ALPL: variants seen among roughly 807,000 people sequenced by gnomAD.
ALPL encodes the protein alkaline phosphatase, biomineralization associated.
In ALPL, 42 loss-of-function variants were observed where a neutral mutation model predicts 51.3. That is an observed-to-expected ratio of 0.82 (90% CI 0.64 to 1.06). The LOEUF (loss-of-function observed/expected upper bound fraction) is 1.06, where lower values mean the gene tolerates loss of function less well. Among genes scored for constraint, ALPL ranks in the 50% least tolerant of loss-of-function variants. The probability of loss-of-function intolerance (pLI) is 0.00; values close to 1 mark genes in which losing one functional copy is unlikely to be tolerated. For synonymous variants in ALPL, 279 were observed against 296.4 expected (o/e 0.94, Z 0.60); for missense variants, 589 against 709.4 (o/e 0.83, Z 1.93).
rs755976886 is a variant in ALPL, at chr1:21,577,604, C to T, written c.1531C>T (p.Leu511=). The part of the protein sequence containing the change: ...SSAGSLAAGP[L]LLALALYPLS... ...GGCAGGCAGCCTTGCTGCAGGCCCC[C>T]TGCTGCTCGCGCTGGCCCTCTACCC... Residue 511 remains leucine, a synonymous_variant, in exon 12 of 12, where the codon CTG becomes TTG. Coordinates refer to ENST00000374840, the MANE Select transcript of ALPL (RefSeq NM_000478.6). 6.2e-7 allele frequency: 1 copy of T among 1,600,596 alleles called. No individual in the cohort carries two copies. The highest frequency in any genetic ancestry group is 1.1e-5 in the South Asian group (1 of 90,972).
intron 1 of ALPL, among the ~76,000 whole-genome samples, chr1:21,522,764 G>A (rs1182971829): frequency 1.3e-5 from 2 of 152,178 alleles, no homozygotes; most frequent in Non-Finnish European, 2.9e-5. Context: ...GCAGAAGCTG[G>A]CAGGAGGGAG....
chr1:21,569,387 C>T (rs527516333), intron 7 of ALPL, among the ~76,000 whole-genome samples: 274 of 152,324 alleles, frequency 1.8e-3, no homozygotes, highest in Middle Eastern at 3.4e-3. Context: ...TATCAGGTCC[C>T]GTGTAGGCCC....
chr1:21,530,504 A>C (rs2148087179), intron 1 of ALPL, among the ~76,000 whole-genome samples: 1 of 152,266 alleles, frequency 6.6e-6, no homozygotes, highest in Non-Finnish European at 1.5e-5. Context: ...CATTGCCAGG[A>C]CGGGAATCCC....
In ALPL at chr1:21,564,060, G is replaced by A. The variant is rs750079676; in HGVS notation, c.492G>A (p.Val164=). 32 of 1,613,800 alleles carry A rather than the reference G, an allele frequency of 2.0e-5. No homozygotes were observed. Among genetic ancestry groups the A allele is most frequent in the Non-Finnish European group, 1.3e-5 (15 of 1,180,000 alleles). The change falls in exon 6 of 12, where the codon GTG becomes GTA. Residue 164 remains valine, a synonymous_variant. Coordinates refer to ENST00000374840, the MANE Select transcript of ALPL (RefSeq NM_000478.6). The surrounding 1 kb of genome is among the most constrained non-coding windows in gnomAD (Gnocchi z 5.8). The part of the protein sequence containing the change: ...AKDAGKSVGI[V]TTTRVNHATP... ...CCCCAGGGAAATCTGTGGGCATTGT[G>A]ACCACCACGAGAGTGAACCATGCCA...
At chr1:21,560,589 C>G in intron 2 of ALPL, 37 bp from the exon 3 acceptor site, 1 of 1,612,836 alleles carries the variant, frequency 6.2e-7, no homozygotes, top group Non-Finnish European at 8.5e-7. Flanking sequence ...GGAGGCTATC[C>G]TTACCCCGCC....
rs1644366657 is a variant in ALPL at position 21,554,086 on chromosome 1, T to A, written c.5T>A (p.Ile2Asn). The A allele has an allele frequency of 1.9e-6, 3 of 1,595,662 alleles. No individual in the cohort carries two copies. The South Asian group carries it at 3.3e-5, about 18-fold the overall frequency. ...AAGCAGGTCTTGGGGTGCACCATGA[T>A]TTCACCATTCTTAGTACTGGCCATT... M[I>N]SPFLVLAIGT... Residue 2 changes from isoleucine (I) to asparagine (N), a missense_variant, in exon 2 of 12, where the codon ATT (isoleucine) becomes AAT (asparagine). Physicochemically the swap from Ile to Asn is moderately radical, Grantham distance 149. Coordinates refer to ENST00000374840, the MANE Select transcript of ALPL (RefSeq NM_000478.6).
chr1:21,571,604 G>A (rs575958663), intron 8 of ALPL, among the ~76,000 whole-genome samples: 15 of 151,952 alleles, frequency 9.9e-5, no homozygotes, highest in Middle Eastern at 3.4e-3. Context: ...CCCGGGAGGC[G>A]GAGGTTACAG....
chr1:21,571,487 G>A (rs1188440857), intron 8 of ALPL, among the ~76,000 whole-genome samples: 30 of 151,480 alleles, frequency 2.0e-4, no homozygotes, highest in African/African-American at 1.9e-4. Flanking sequence ...CCTGGCTAAC[G>A]AGGTGAAACC....
chr1:21,576,615 G>A lies in ALPL; in HGVS notation c.1283G>A (p.Arg428Gln), dbSNP rs1644741201. ...GPGYKVVGGE[R>Q]ENVSMVDYAH... ...GGCTACAAGGTGGTGGGCGGTGAAC[G>A]AGAGAATGTCTCCATGGTGGACTAT... Residue 428 changes from arginine to glutamine, a missense_variant, in exon 11 of 12, where the codon CGA becomes CAA. By Grantham distance (43) the Arg-to-Gln change is conservative. Coordinates refer to ENST00000374840, the MANE Select transcript of ALPL (RefSeq NM_000478.6). 3 of 1,613,874 alleles carry A rather than the reference G, an allele frequency of 1.9e-6. No homozygotes were observed. The highest frequency in any genetic ancestry group is 2.5e-6 in the Non-Finnish European group (3 of 1,179,864).
At chr1:21,567,604 A>G (rs1644584207) in intron 6 of ALPL, among the ~76,000 whole-genome samples, 1 of 152,216 alleles carries the variant, frequency 6.6e-6, no homozygotes, top group African/African-American at 2.4e-5. Flanking sequence ...GCAGGGCCCT[A>G]GTGCCACAGC....
At chr1:21,539,839 G>A (rs1644158500) in intron 1 of ALPL, among the ~76,000 whole-genome samples, 1 of 151,990 alleles carries the variant, frequency 6.6e-6, no homozygotes. Flanking sequence ...TATATTTTTA[G>A]TAGAGACAGG....
At chr1:21,546,647 C>T (rs376094849) in intron 1 of ALPL, among the ~76,000 whole-genome samples, 3 of 152,340 alleles carry the variant, frequency 2.0e-5, no homozygotes, top group South Asian at 2.1e-4. Context: ...TTTAGGCCAG[C>T]GCCTGGCAGG....
intron 1 of ALPL, among the ~76,000 whole-genome samples, chr1:21,526,096 A>C (rs888472670): frequency 6.6e-6 from 1 of 152,214 alleles, no homozygotes; most frequent in African/African-American, 2.4e-5. Flanking sequence ...CCACCTAGCT[A>C]AGCCTTGGGC....
rs1364859151 is a variant in ALPL, at chr1:21,561,134, C to T, written c.219C>T (p.Leu73=). The part of the protein sequence containing the change: ...GVSTVTAARI[L]KGQLHHNPGE... The stretch of plus-strand genomic sequence containing the variant: ...CCACAGTGACGGCTGCCCGCATCCT[C>T]AAGGGTCAGCTCCACCACAACCCTG... Residue 73 remains leucine (L), a synonymous_variant, in exon 4 of 12, where the codon CTC becomes CTT. Transcript: ENST00000374840. The T allele has an allele frequency of 2.5e-6, 4 of 1,613,410 alleles. No individual in the cohort carries two copies.
At chr1:21,573,825 G>A in intron 9 of ALPL, 26 bp downstream of exon 9, 1 of 1,613,998 alleles carries the variant, frequency 6.2e-7, no homozygotes, top group African/African-American at 1.3e-5. Flanking sequence ...CTGCTGAGAG[G>A]GGGCTGCTGG....
intron 5 of ALPL, 152 bp downstream of exon 5, chr1:21,563,436 C>A: frequency 9.3e-7 from 1 of 1,070,268 alleles, no homozygotes; most frequent in Non-Finnish European, 1.3e-6. Context: ...CCATGGGATT[C>A]CTTCCGTGAC....
intron 8 of ALPL, among the ~76,000 whole-genome samples, chr1:21,573,401 C>A (rs1644677162): frequency 6.7e-6 from 1 of 148,514 alleles, no homozygotes. Context: ...CGCACCACTG[C>A]ACTCCAGCCT....
chr1:21,559,523 T>C (rs1299441811), intron 2 of ALPL, among the ~76,000 whole-genome samples: 2 of 152,060 alleles, frequency 1.3e-5, no homozygotes, highest in African/African-American at 4.8e-5. Context: ...GGGGGTTTTT[T>C]GTTTGTTTGT....
intron 1 of ALPL, among the ~76,000 whole-genome samples, chr1:21,547,899 G>C (rs971400763): frequency 6.6e-6 from 1 of 152,204 alleles, no homozygotes; most frequent in Admixed American, 6.5e-5. Flanking sequence ...CCCAGCCCAA[G>C]GCTGGCTTTT....
Sources: gnomAD v4.1 joint callset for allele counts (sites outside exome capture counted in the v4.1 genomes callset) on GRCh38, gnomAD v4.1.1 for gene constraint, Gnocchi (gnomAD v3.1) non-coding constraint, MANE v1.5 for transcripts, NCBI Gene and HGNC (gene_info 2026-07-23, HGNC 2026-07-21) for gene names.